TIMM23: variants seen among roughly 807,000 people sequenced by gnomAD.
TIMM23 encodes the protein mitochondrial import inner membrane translocase subunit Tim23.
Under a neutral mutation model 30.7 loss-of-function variants are expected in TIMM23, and 19 were observed. That is an observed-to-expected ratio of 0.62 (90% CI 0.43 to 0.91). The LOEUF (loss-of-function observed/expected upper bound fraction) is 0.91. Among genes scored for constraint, TIMM23 ranks in the 40% least tolerant of loss-of-function variants. The pLI is 0.00. For synonymous variants in TIMM23, 78 were observed against 98.5 expected, an observed-to-expected ratio of 0.79 and a Z score of 1.23; for missense variants, 202 against 269.2, an observed-to-expected ratio of 0.75 and a Z score of 1.75.
intron 1 of TIMM23, among the ~76,000 whole-genome samples, chr10:45,973,880 C>T (rs1362766901): frequency 6.6e-6 from 1 of 151,436 alleles, no homozygotes; most frequent in South Asian, 2.1e-4. Context: ...CTCAAACTCT[C>T]GAACTCAGGC....
chr10:45,991,637 G>C (rs1838165289), intron 6 of TIMM23, among the ~76,000 whole-genome samples: 1 of 152,060 alleles, frequency 6.6e-6, no homozygotes, highest in Non-Finnish European at 1.5e-5. Context: ...TGAAATCCCA[G>C]CTACTCGGGA....
chr10:45,982,831 G>T lies in TIMM23; in HGVS notation c.260-15G>T, dbSNP rs61849496. 25 of 1,613,864 alleles carry T rather than the reference G, an allele frequency of 1.5e-5. No individual in the cohort carries two copies. Among genetic ancestry groups the T allele is most frequent in the Non-Finnish European group, 2.1e-5 (25 of 1,179,866 alleles). ...AAAGCTGTCTTTATCTGGGTGAATT[G>T]TTATGATTTACCAGGGGCTGCGTTT... On this transcript the variant is annotated splice_polypyrimidine_tract_variant and intron_variant, in intron 3 of 6. Transcript: ENST00000580018.
At chr10:45,989,808 A>G (rs1320010156) in intron 6 of TIMM23, among the ~76,000 whole-genome samples, 1 of 152,200 alleles carries the variant, frequency 6.6e-6, no homozygotes, top group Non-Finnish European at 1.5e-5. Context: ...AGGGTCAGAT[A>G]ATTCTCTTCT....
chr10:45,981,720 G>A (rs1837851205), intron 2 of TIMM23, among the ~76,000 whole-genome samples: 1 of 152,170 alleles, frequency 6.6e-6, no homozygotes, highest in East Asian at 1.9e-4. Flanking sequence ...TTTTTGCCAA[G>A]GGTGTGACCT....
At position 45,996,136 on chromosome 10, in the gene TIMM23, A is replaced by C. The variant is rs1201263791; in HGVS notation, c.515-7067A>C. On this transcript the variant is annotated intron_variant, in intron 6 of 6. Coordinates refer to ENST00000580018, the MANE Select transcript of TIMM23 (RefSeq NM_006327.4). ...CAGCACTTTGGGAGGCCAAGGCGGG[A>C]GGATCACAATGTCAGGAGATTGAGA... Among the ~76,000 whole-genome samples the C allele has an allele frequency of 2.7e-4, 39 of 142,730 alleles. 1 individual carries two copies. Among genetic ancestry groups the C allele is most frequent in the African/African-American group, 9.2e-4 (33 of 35,858 alleles). The allele number at this position is 142,730 out of a possible 152,430, so 93.6% of individuals were successfully genotyped here. A position where few individuals can be genotyped will look rare whatever the true frequency, so the allele number is the denominator to read the frequency against.
At chr10:45,994,978 A>G (rs1838285916) in intron 6 of TIMM23, among the ~76,000 whole-genome samples, 1 of 152,024 alleles carries the variant, frequency 6.6e-6, no homozygotes, top group Admixed American at 6.5e-5. Flanking sequence ...AGAAATTAAT[A>G]AGACATTGAT....
chr10:45,983,594 T>C (rs1391069903), intron 4 of TIMM23, among the ~76,000 whole-genome samples: 1 of 152,186 alleles, frequency 6.6e-6, no homozygotes, highest in African/African-American at 2.4e-5. Context: ...TTTTTATGCT[T>C]CATGTAAGTG....
At chr10:46,001,184 T>C (rs1838522622) in intron 6 of TIMM23, among the ~76,000 whole-genome samples, 2 of 152,186 alleles carry the variant, frequency 1.3e-5, no homozygotes, top group South Asian at 4.1e-4. Flanking sequence ...TACACTATTT[T>C]CCAATTAGTA....
chr10:45,975,506 C>G lies in TIMM23; in HGVS notation c.159C>G (p.Leu53=). Residue 53 remains leucine, a synonymous_variant, in exon 2 of 7, where the codon CTC becomes CTG. Coordinates refer to ENST00000580018, the MANE Select transcript of TIMM23 (RefSeq NM_006327.4). ...ATTTAAATGTGGATCCACGATACCT[C>G]GTGCAGGTAAGATTAAGATTTTACT... ...SPYLNVDPRY[L]VQDTDEFILP... 6.2e-7 allele frequency: 1 copy of G among 1,613,818 alleles called. No homozygotes were observed. Among genetic ancestry groups the G allele is most frequent in the South Asian group, 1.1e-5 (1 of 91,064 alleles).
At chr10:45,988,083 G>A (rs1838049214) in intron 5 of TIMM23, among the ~76,000 whole-genome samples, 1 of 152,186 alleles carries the variant, frequency 6.6e-6, no homozygotes, top group Admixed American at 6.5e-5. Flanking sequence ...CAAGTCCCAT[G>A]AGTTCAGCTG....
In TIMM23 at chr10:45,975,658, A is replaced by G. The variant is rs1366175544; in HGVS notation, c.165+146A>G. ...TCACCCTTTTTTCCTCACAAACACC[A>G]GGAGCTTGGCCTGCATCTCTCTGAA... On this transcript the variant is annotated intron_variant, in intron 2 of 6. Transcript: ENST00000580018. The G allele has an allele frequency of 5.7e-6, 6 of 1,050,444 alleles. No individual in the cohort carries two copies. The African/African-American group carries it at 8.1e-5, about 14-fold the overall frequency. The allele number at this position is 1,050,444 out of a possible 1,614,324, so 65.1% of individuals were successfully genotyped here. A position where few individuals can be genotyped will look rare whatever the true frequency, so the allele number is the denominator to read the frequency against.
chr10:45,988,815 G>C lies in TIMM23; in HGVS notation c.482G>C (p.Gly161Ala). The C allele has an allele frequency of 6.2e-7, 1 of 1,613,674 alleles. No homozygotes were observed. Among genetic ancestry groups the C allele is most frequent in the Non-Finnish European group, 8.5e-7 (1 of 1,179,616 alleles). The change falls in exon 6 of 7, where the codon GGA (glycine) becomes GCA (alanine). Residue 161 changes from glycine to alanine, a missense_variant. Transcript: ENST00000580018. ...GATGACCTTAACACAGTAGCAGCTG[G>C]AACCATGACAGGCATGTTGTATAAA... is the stretch of plus-strand genomic sequence containing the variant. ...AEDDLNTVAAGTMTGMLYKCT... is the reference protein window; with the variant it reads ...AEDDLNTVAAATMTGMLYKCT...
chr10:45,995,084 C>T (rs1349352267), intron 6 of TIMM23, among the ~76,000 whole-genome samples: 1 of 151,486 alleles, frequency 6.6e-6, no homozygotes, highest in African/African-American at 2.4e-5. Context: ...TTTACCTCTT[C>T]TACAATTGCA....
intron 6 of TIMM23, among the ~76,000 whole-genome samples, chr10:46,001,617 GCT>G (rs1554917709): frequency 6.6e-6 from 1 of 152,046 alleles, no homozygotes; most frequent in African/African-American, 2.4e-5. Flanking sequence ...CAGGCACGGA[GCT>G]AAAAGGGCCT....
intron 5 of TIMM23, 102 bp downstream of exon 5, chr10:45,985,543 A>G: frequency 7.2e-7 from 1 of 1,384,292 alleles, no homozygotes; most frequent in Non-Finnish European, 1.0e-6. Flanking sequence ...ATATGAGACA[A>G]TTATGTTTAA....
chr10:46,000,065 C>T (rs1427433660), intron 6 of TIMM23, among the ~76,000 whole-genome samples: 1 of 152,030 alleles, frequency 6.6e-6, no homozygotes, highest in East Asian at 1.9e-4. Context: ...TTTCAAGGTG[C>T]CCAGATTTCA....
chr10:45,982,942 G>C lies in TIMM23; in HGVS notation c.344+12G>C. 6.2e-7 allele frequency: 1 copy of C among 1,613,860 alleles called. No homozygotes were observed. The highest frequency in any genetic ancestry group is 8.5e-7 in the Non-Finnish European group (1 of 1,179,854). ...CCAAGAAATGTACAGTAAGTCTCTT[G>C]TAACCATCTGATGTAGTGATACTTG... On this transcript the variant is annotated intron_variant, in intron 4 of 6. Coordinates refer to ENST00000580018, the MANE Select transcript of TIMM23 (RefSeq NM_006327.4).
Position 45,974,681 on chromosome 10 carries a change from G to A in TIMM23, c.107-773G>A, listed in dbSNP as rs1309236166. 2.3e-3 allele frequency among the ~76,000 whole-genome samples: 356 copies of A among 152,288 alleles called. 4 individuals are homozygous for A. Among genetic ancestry groups the A allele is most frequent in the Non-Finnish European group, 1.4e-3 (95 of 68,022 alleles). On this transcript the variant is annotated intron_variant, in intron 1 of 6. Transcript: ENST00000580018. ...CAAGGAGTTAGGAAATTGTTGCTGT[G>A]AGATATGATGGTTGGACTAGGATGG...
chr10:45,983,266 A>G (rs1837897803), intron 4 of TIMM23, among the ~76,000 whole-genome samples: 2 of 152,116 alleles, frequency 1.3e-5, no homozygotes, highest in Admixed American at 6.5e-5. Context: ...GTTTGGGGGC[A>G]TGCAGATCCA....
Sources: gnomAD v4.1 joint callset for allele counts (sites outside exome capture counted in the v4.1 genomes callset) on GRCh38, gnomAD v4.1.1 for gene constraint, MANE v1.5 for transcripts, NCBI Gene and HGNC (gene_info 2026-07-23, HGNC 2026-07-21) for gene names.